Variants in AP3D1 observed in about 807,000 individuals in gnomAD.
The protein encoded by AP3D1 is adaptor related protein complex 3 subunit delta 1.
In AP3D1, 51 loss-of-function variants were observed where a neutral mutation model predicts 147.6. The ratio of observed to expected loss-of-function variants is 0.35; its 90% CI spans 0.28 to 0.44. The LOEUF is 0.44. Ranked by LOEUF, AP3D1 falls within the 20% of genes least tolerant of loss-of-function variation. AP3D1 has a pLI of 1.00. For missense variants in AP3D1, 1,421 were observed against 1,624.2 expected (o/e 0.87, Z 2.15); for synonymous variants, 760 against 663.0 (o/e 1.15, Z -2.25).
chr19:2,132,284 ACGCAGGAAC>A (rs1319145172), intron 5 of AP3D1, among the ~76,000 whole-genome samples, 178 bp downstream of exon 5: 1 of 152,210 alleles, frequency 6.6e-6, no homozygotes, highest in Non-Finnish European at 1.5e-5. Context: ...AACTTAAGAC[ACGCAGGAAC>A]CAAAGCGGCC....
intron 31 of AP3D1, 110 bp downstream of exon 31, chr19:2,108,577 C>T: frequency 1.0e-6 from 1 of 980,528 alleles, no homozygotes; most frequent in Non-Finnish European, 1.5e-6. Context: ...GCTGCCATCA[C>T]TGTCCTCGAG....
intron 1 of AP3D1, among the ~76,000 whole-genome samples, chr19:2,157,966 T>C (rs934441034): frequency 6.6e-6 from 1 of 152,188 alleles, no homozygotes; most frequent in African/African-American, 2.4e-5. Flanking sequence ...AAGGACACAT[T>C]AGACATCATT....
Position 2,110,133 on chromosome 19 carries a change from T to C in AP3D1, c.3264+3A>G, listed in dbSNP as rs1241289432. The C allele has an allele frequency of 6.2e-7, 1 of 1,612,776 alleles. No individual in the cohort carries two copies. Among genetic ancestry groups the C allele is most frequent in the Non-Finnish European group, 8.5e-7 (1 of 1,179,688 alleles). On this transcript the variant is annotated splice_donor_region_variant and intron_variant, in intron 28 of 31. Transcript: ENST00000643116. ...CTTCAACGCCAAGTGGAGCCCTGCATACCTTGGCAATGAAGGACAGGGTCC... is the reference window on the plus strand; with the variant it reads ...CTTCAACGCCAAGTGGAGCCCTGCACACCTTGGCAATGAAGGACAGGGTCC...
Position 2,120,942 on chromosome 19 carries a change from G to A in AP3D1, c.1401C>T (p.His467=), listed in dbSNP as rs752607508. ...TCCGCTGGGTGCTGCTGGCCAGCAG[G>A]TGTGCACTGTCAAGCAGCGCAGACA... ...SQMSALLDSA[H]LLASSTQRNG... The change falls in exon 14 of 32, where the codon CAC becomes CAT. Residue 467 remains histidine, a synonymous_variant. Transcript: ENST00000643116. 1.9e-6 allele frequency: 3 copies of A among 1,612,032 alleles called. No homozygotes were observed. Among genetic ancestry groups the A allele is most frequent in the African/African-American group, 1.3e-5 (1 of 75,070 alleles).
intron 8 of AP3D1, among the ~76,000 whole-genome samples, chr19:2,127,650 G>A (rs181919980): frequency 1.1e-4 from 17 of 152,200 alleles, no homozygotes; most frequent in South Asian, 2.1e-4. Flanking sequence ...TCAGCCTCCC[G>A]TGCAGCTGGG....
chr19:2,112,021 C>T lies in AP3D1; in HGVS notation c.2788-193G>A, dbSNP rs1370377474. 50 of 879,438 alleles carry T rather than the reference C, an allele frequency of 5.7e-5. No homozygotes were observed. The Admixed American group carries it at 1.0e-3, about 18-fold the overall frequency. The allele number at this position is 879,438 out of a possible 1,614,324, so 54.5% of individuals were successfully genotyped here. ...GACCAGGCCCAGCGGAGGCTGGGGC[C>T]GTCTCTGGTTGGCGGCAAGCGCCAA... On this transcript the variant is annotated intron_variant, in intron 24 of 31. Transcript: ENST00000643116.
intron 8 of AP3D1, 86 bp downstream of exon 8, chr19:2,129,004 A>G (rs941555885): frequency 5.6e-6 from 2 of 357,388 alleles, no homozygotes. Context: ...CCGACACTGC[A>G]CCCCGTGGAG....
intron 1 of AP3D1, among the ~76,000 whole-genome samples, chr19:2,142,453 G>A (rs1006052289): frequency 3.3e-5 from 5 of 152,018 alleles, no homozygotes; most frequent in African/African-American, 4.8e-5. Context: ...CCTGGCTGGC[G>A]CTTTTTCTAG....
At chr19:2,143,493 GC>G (rs954787512) in intron 1 of AP3D1, among the ~76,000 whole-genome samples, 19 of 151,770 alleles carry the variant, frequency 1.3e-4, no homozygotes, top group African/African-American at 4.6e-4. Context: ...GCCCACCTTG[GC>G]CTCTCAAAGT....
At chr19:2,142,527 G>A (rs1334885972) in intron 1 of AP3D1, among the ~76,000 whole-genome samples, 1 of 152,198 alleles carries the variant, frequency 6.6e-6, no homozygotes. Context: ...TGAGACCAGG[G>A]AGGCCACATG....
chr19:2,110,699 G>C lies in AP3D1; in HGVS notation c.3175+8C>G. The C allele has an allele frequency of 6.3e-7, 1 of 1,588,100 alleles. No individual in the cohort carries two copies. Among genetic ancestry groups the C allele is most frequent in the Non-Finnish European group, 8.6e-7 (1 of 1,168,348 alleles). On this transcript the variant is annotated splice_region_variant and intron_variant, in intron 27 of 31. Coordinates refer to ENST00000643116, the MANE Select transcript of AP3D1 (RefSeq NM_001261826.3). ...CCCAGGAGAGGCCGTGAGTGGGGCA[G>C]GGCTCACCTGGGGGCAGCTGGAAAG...
intron 31 of AP3D1, among the ~76,000 whole-genome samples, chr19:2,107,227 TCCAGCCTG>T (rs1453947103): frequency 1.3e-5 from 2 of 148,630 alleles, no homozygotes; most frequent in Non-Finnish European, 1.5e-5. Flanking sequence ...GCCACTGCAG[TCCAGCCTG>T]GGCGACAGAG....
At chr19:2,138,789 C>A in intron 1 of AP3D1, 75 bp from the exon 2 acceptor site, 2 of 1,065,208 alleles carry the variant, frequency 1.9e-6, no homozygotes, top group South Asian at 1.2e-5. Context: ...GGGCCAGGCA[C>A]AGTGGCTCAC....
At chr19:2,107,469 G>C (rs1193837554) in intron 31 of AP3D1, among the ~76,000 whole-genome samples, 2 of 151,436 alleles carry the variant, frequency 1.3e-5, no homozygotes, top group Admixed American at 1.3e-4. Flanking sequence ...GGCCGGGCGC[G>C]GTGGCTCAAG....
chr19:2,137,769 G>C lies in AP3D1; in HGVS notation c.231C>G (p.Phe77Leu), dbSNP rs2019115919. 6.2e-7 allele frequency: 1 copy of C among 1,613,926 alleles called. No individual in the cohort carries two copies. Among genetic ancestry groups the C allele is most frequent in the Non-Finnish European group, 8.5e-7 (1 of 1,180,010 alleles). Residue 77 changes from phenylalanine (F) to leucine (L), a missense_variant, in exon 3 of 32, where the codon TTC (phenylalanine) becomes TTG (leucine). By Grantham distance (22) the Phe-to-Leu change is conservative (BLOSUM62 0). Around this residue, in one of 6 missense-constraint regions of AP3D1, gnomAD observed 292 missense variants for 412.0 expected, o/e 0.71. Coordinates refer to ENST00000643116, the MANE Select transcript of AP3D1 (RefSeq NM_001261826.3). Reference sequence around the variant, plus strand: ...AGGCACTCATCACTTCTATGATGTTGAAGGCGGCCCAGCTGATGTCGTATC... The same window carrying C: ...AGGCACTCATCACTTCTATGATGTTCAAGGCGGCCCAGCTGATGTCGTATC... Reference protein sequence around the residue: ...MLGYDISWAAFNIIEVMSASK... With the variant: ...MLGYDISWAALNIIEVMSASK...
intron 16 of AP3D1, 112 bp downstream of exon 16, chr19:2,117,110 A>G (rs2018477535): frequency 7.3e-7 from 1 of 1,360,772 alleles, no homozygotes; most frequent in Non-Finnish European, 9.8e-7. Flanking sequence ...GCCTCCAATC[A>G]GCCCCACACC....
intron 8 of AP3D1, among the ~76,000 whole-genome samples, chr19:2,127,809 G>GA (rs1042445107): frequency 9.8e-5 from 15 of 152,342 alleles, no homozygotes; most frequent in African/African-American, 2.6e-4. Context: ...TCACAGGCGT[G>GA]AGCCACAGCT....
chr19:2,164,148 G>T, intron 1 of AP3D1: 4 of 930,600 alleles, frequency 4.3e-6, no homozygotes, highest in African/African-American at 2.6e-5. Flanking sequence ...TCCCCCAACC[G>T]CCCGCCTAGC....
At chr19:2,113,837 T>G (rs1339121167) in intron 22 of AP3D1, among the ~76,000 whole-genome samples, 1 of 152,164 alleles carries the variant, frequency 6.6e-6, no homozygotes, top group Admixed American at 6.5e-5. Context: ...CACGTGAGGG[T>G]GGCATCTGGA....
Sources: gnomAD v4.1 joint callset for allele counts (sites outside exome capture counted in the v4.1 genomes callset) on GRCh38, gnomAD v4.1.1 for gene constraint, gnomAD v4.1.1 regional missense constraint, MANE v1.5 for transcripts, NCBI Gene and HGNC (gene_info 2026-07-23, HGNC 2026-07-21) for gene names.